The following SARS1 variants were observed in gnomAD, a reference collection of about 807,000 sequenced individuals.
SARS1 encodes the protein seryl-tRNA synthetase 1.
Under a neutral mutation model 63.7 loss-of-function variants are expected in SARS1, and 25 were observed. The ratio of observed to expected loss-of-function variants is 0.39; its 90% confidence interval spans 0.29 to 0.55. The LOEUF (loss-of-function observed/expected upper bound fraction) is 0.55, where lower values mean the gene tolerates loss of function less well. Ranked by LOEUF, SARS1 falls within the 20% of genes least tolerant of loss-of-function variation. SARS1 has a pLI of 0.62. For missense variants in SARS1, 417 were observed against 649.7 expected (o/e 0.64, Z 3.89); for synonymous variants, 231 against 243.5 (o/e 0.95, Z 0.48).
chr1:109,228,281 T>C, intron 2 of SARS1, 71 bp from the exon 3 acceptor site: 1 of 1,106,916 alleles, frequency 9.0e-7, no homozygotes, highest in Non-Finnish European at 1.4e-6. Flanking sequence ...GTTAATTTGG[T>C]GTACACTTTA....
rs1167574845 is a variant in SARS1, at chr1:109,214,978, A to G, written c.136+850A>G. The G allele has an allele frequency of 2.0e-6, 2 of 985,310 alleles. No individual in the cohort carries two copies. The highest frequency in any genetic ancestry group is 6.2e-5 in the Admixed American group (1 of 16,256). 61.0% of individuals were successfully genotyped at this position (985,310 alleles called of 1,614,324 possible). On this transcript the variant is annotated intron_variant, in intron 1 of 10. Coordinates refer to ENST00000234677, the MANE Select transcript of SARS1 (RefSeq NM_006513.4). This position sits in a 1 kb window ranked among gnomAD's most constrained non-coding sequence, Gnocchi z 4.6. Reference sequence around the variant, plus strand: ...GCTGGTTGGGCGGATGCTGTCAAGTACTTGTGATTTGATTTGTCTGATGCA... The same window carrying G: ...GCTGGTTGGGCGGATGCTGTCAAGTGCTTGTGATTTGATTTGTCTGATGCA...
intron 1 of SARS1, chr1:109,215,506 A>G (rs1260242203): frequency 1.0e-6 from 1 of 984,764 alleles, no homozygotes; most frequent in African/African-American, 1.7e-5. Flanking sequence ...GTGGATATAC[A>G]TATACACATT....
Position 109,214,834 on chromosome 1 carries a change from G to C in SARS1, c.136+706G>C, listed in dbSNP as rs1654748633. 1 of 985,372 alleles carries C rather than the reference G, an allele frequency of 1.0e-6. No individual in the cohort carries two copies. The highest frequency in any genetic ancestry group is 1.7e-5 in the African/African-American group (1 of 57,250). 61.0% of individuals were successfully genotyped at this position (985,372 alleles called of 1,614,324 possible). ...GTTTTCCTTTAAAGACATTGGCAGA[G>C]TTGGGCTAGAACCTGGAACTGCCGG... On this transcript the variant is annotated intron_variant, in intron 1 of 10. Transcript: ENST00000234677. This position sits in a 1 kb window ranked among gnomAD's most constrained non-coding sequence, Gnocchi z 4.6.
chr1:109,220,857 T>G (rs1244747445), intron 1 of SARS1, among the ~76,000 whole-genome samples: 1 of 152,130 alleles, frequency 6.6e-6, no homozygotes, highest in African/African-American at 2.4e-5. Context: ...TGTAGACATT[T>G]TATTTCTTTA....
chr1:109,231,322 A>G (rs1655206854), intron 5 of SARS1: 1 of 273,440 alleles, frequency 3.7e-6, no homozygotes. Context: ...ATAATTGGAC[A>G]GTCAGACAAG....
In SARS1 at chr1:109,214,103, G is replaced by T. The variant is rs758134857; in HGVS notation, c.111G>T (p.Val37=). ...ACCCGGGACTAGTGGACCAGCTGGT[G>T]AAGGCAGACAGCGAGTGGCGACGAT... ...FKDPGLVDQL[V]KADSEWRRCR... is the part of the protein sequence containing the mutation. Residue 37 remains valine, a synonymous_variant, in exon 1 of 11, where the codon GTG becomes GTT. Transcript: ENST00000234677. This position sits in a 1 kb window ranked among gnomAD's most constrained non-coding sequence, Gnocchi z 4.6. The T allele has an allele frequency of 6.2e-6, 10 of 1,613,960 alleles. No homozygotes were observed. Among genetic ancestry groups the T allele is most frequent in the Non-Finnish European group, 8.5e-6 (10 of 1,179,980 alleles).
intron 1 of SARS1, chr1:109,217,049 A>G (rs1312493345): frequency 1.0e-6 from 1 of 985,460 alleles, no homozygotes; most frequent in East Asian, 1.1e-4. Context: ...ACCAGGGCAT[A>G]TAATCTTTCT....
At chr1:109,228,924 C>T (rs762633418) in intron 3 of SARS1, among the ~76,000 whole-genome samples, 8 of 152,150 alleles carry the variant, frequency 5.3e-5, no homozygotes, top group South Asian at 2.1e-4. Flanking sequence ...ACTGCTAAAG[C>T]GCTTGCCTCA....
Position 109,226,681 on chromosome 1 carries a change from T to A in SARS1, c.208-1671T>A, listed in dbSNP as rs867126849. On this transcript the variant is annotated intron_variant, in intron 2 of 10. Transcript: ENST00000234677. The stretch of plus-strand genomic sequence containing the variant: ...GCTAATTTAAAAAAAAAAAAAAATA[T>A]ATATATATATATATATACACACACA... Among the ~76,000 whole-genome samples the A allele has an allele frequency of 4.1e-3, 150 of 36,168 alleles. 3 individuals carry two copies. The highest frequency in any genetic ancestry group is 0.011 in the African/African-American group (133 of 12,436). The allele number at this position is 36,168 out of a possible 152,430, so 23.7% of individuals were successfully genotyped here.
chr1:109,219,808 C>T (rs537251075), intron 1 of SARS1, among the ~76,000 whole-genome samples: 72 of 152,276 alleles, frequency 4.7e-4, no homozygotes, highest in African/African-American at 1.4e-3. Context: ...CCACCGCGCC[C>T]GGCATGGCTT....
Position 109,214,978 on chromosome 1 carries a change from A to C in SARS1, c.136+850A>C. On this transcript the variant is annotated intron_variant, in intron 1 of 10. Transcript: ENST00000234677. The surrounding 1 kb of genome is among the most constrained non-coding windows in gnomAD (Gnocchi z 4.6). ...GCTGGTTGGGCGGATGCTGTCAAGT[A>C]CTTGTGATTTGATTTGTCTGATGCA... 3 of 985,428 alleles carry C rather than the reference A, an allele frequency of 3.0e-6. No homozygotes were observed. The highest frequency in any genetic ancestry group is 3.6e-6 in the Non-Finnish European group (3 of 829,926). 61.0% of individuals were successfully genotyped at this position (985,428 alleles called of 1,614,324 possible).
At chr1:109,227,201 G>T (rs553680273) in intron 2 of SARS1, among the ~76,000 whole-genome samples, 14 of 151,392 alleles carry the variant, frequency 9.2e-5, no homozygotes, top group Non-Finnish European at 1.6e-4. Context: ...CACCATCTTG[G>T]TCAGGCTGAT....
intron 1 of SARS1, chr1:109,216,818 T>C (rs1374862355): frequency 1.7e-6 from 1 of 597,500 alleles, no homozygotes; most frequent in Non-Finnish European, 2.1e-6. Context: ...AGATGGAGTT[T>C]CGTCATGTTG....
chr1:109,236,506 G>C lies in SARS1; in HGVS notation c.1215G>C (p.Arg405=), dbSNP rs778620145. The change falls in exon 9 of 11, where the codon CGG becomes CGC. Residue 405 remains arginine, a synonymous_variant. Transcript: ENST00000234677. ...CSNCTDYQAR[R]LRIRYGQTKK... ...ATTGCACGGATTACCAGGCTCGCCG[G>C]CTTCGAATCCGATATGGGCAAACCA... is the stretch of plus-strand genomic sequence containing the variant. 3.1e-6 allele frequency: 5 copies of C among 1,607,296 alleles called. No homozygotes were observed. In the South Asian group the frequency reaches 4.4e-5, roughly 14 times the overall value.
chr1:109,230,745 CA>C, intron 4 of SARS1, 132 bp from the exon 5 acceptor site: 1 of 652,588 alleles, frequency 1.5e-6, no homozygotes, highest in East Asian at 3.4e-5. Flanking sequence ...GTTGAGGCTG[CA>C]GTGAGCCAAG....
Position 109,236,557 on chromosome 1 carries a change from C to T in SARS1, c.1257+9C>T. ...AGAAGATGATGGACAAGGTAGATGG[C>T]CCCCAGGGAGGTGGGAAGCAGAGTC... is the stretch of plus-strand genomic sequence containing the variant. On this transcript the variant is annotated intron_variant, in intron 9 of 10. Coordinates refer to ENST00000234677, the MANE Select transcript of SARS1 (RefSeq NM_006513.4). 6.3e-7 allele frequency: 1 copy of T among 1,596,676 alleles called. No homozygotes were observed. The highest frequency in any genetic ancestry group is 1.3e-5 in the African/African-American group (1 of 74,682).
Position 109,238,022 on chromosome 1 carries a change from T to A in SARS1, c.*134T>A. On this transcript the variant is annotated 3_prime_UTR_variant, in exon 11 of 11. Coordinates refer to ENST00000234677, the MANE Select transcript of SARS1 (RefSeq NM_006513.4). ...GACTGCGTAGCTGAGAGGGGAACAG[T>A]GCCATGTACCACACAGATGTTCCTG... is the stretch of plus-strand genomic sequence containing the variant. 1 of 933,660 alleles carries A rather than the reference T, an allele frequency of 1.1e-6. No individual in the cohort carries two copies. Among genetic ancestry groups the A allele is most frequent in the Non-Finnish European group, 1.6e-6 (1 of 615,662 alleles). 57.8% of individuals were successfully genotyped at this position (933,660 alleles called of 1,614,324 possible).
At chr1:109,218,511 G>C (rs1305002299) in intron 1 of SARS1, among the ~76,000 whole-genome samples, 1 of 148,790 alleles carries the variant, frequency 6.7e-6, no homozygotes, top group African/African-American at 2.5e-5. Context: ...AATGCTCATA[G>C]TCACATGGTA....
intron 2 of SARS1, among the ~76,000 whole-genome samples, chr1:109,225,830 C>T (rs1287579993): frequency 6.6e-6 from 1 of 152,056 alleles, no homozygotes; most frequent in Non-Finnish European, 1.5e-5. Context: ...AATTTGCTGC[C>T]CTGAGGGATT....
Sources: gnomAD v4.1 joint callset for allele counts (sites outside exome capture counted in the v4.1 genomes callset) on GRCh38, gnomAD v4.1.1 for gene constraint, Gnocchi (gnomAD v3.1) non-coding constraint, MANE v1.5 for transcripts, NCBI Gene and HGNC (gene_info 2026-07-23, HGNC 2026-07-21) for gene names.